PKP4: variants seen among roughly 807,000 people sequenced by gnomAD.
The protein encoded by PKP4 is plakophilin-4.
In PKP4, 90 loss-of-function variants were observed where a neutral mutation model predicts 145.1. The observed-to-expected ratio is 0.62, with a 90% CI of 0.52 to 0.74. PKP4 has a LOEUF of 0.74. PKP4 is among the 30% of genes least tolerant of loss of function. The pLI, the probability that PKP4 is intolerant of heterozygous loss-of-function variation, is 0.00. For synonymous variants in PKP4, 563 were observed against 577.2 expected (o/e 0.98, Z 0.35); for missense variants, 1,340 against 1,482.7 (o/e 0.90, Z 1.58).
At chr2:158,561,793 C>CTTTTTT (rs758042959) in intron 2 of PKP4, among the ~76,000 whole-genome samples, 16,147 of 145,012 alleles carry the variant, frequency 0.11, 1,125 homozygotes, top group Non-Finnish European at 0.15. Flanking sequence ...TCAAGTCAGT[C>CTTTTTT]TTTTTTTTTT....
At chr2:158,646,867 G>A (rs1185792188) in intron 11 of PKP4, among the ~76,000 whole-genome samples, 1 of 152,144 alleles carries the variant, frequency 6.6e-6, no homozygotes, top group Non-Finnish European at 1.5e-5. Context: ...GTGGGGTTAA[G>A]TCTGGACAAC....
At chr2:158,533,590 T>G (rs2043774190) in intron 2 of PKP4, 1 of 518,596 alleles carries the variant, frequency 1.9e-6, no homozygotes, top group Non-Finnish European at 3.8e-6. Flanking sequence ...TTGCAGAGTG[T>G]GTGCATGCAC....
chr2:158,559,992 G>A (rs962751380), intron 2 of PKP4, among the ~76,000 whole-genome samples: 3 of 151,752 alleles, frequency 2.0e-5, no homozygotes, highest in South Asian at 2.1e-4. Context: ...TCAGCGTCCC[G>A]AGTAGCTGGG....
intron 2 of PKP4, 109 bp downstream of exon 2, chr2:158,533,425 T>C: frequency 7.7e-7 from 1 of 1,306,468 alleles, no homozygotes; most frequent in Non-Finnish European, 1.1e-6. Context: ...CCTTCACGTT[T>C]TCTAATTATA....
intron 2 of PKP4, among the ~76,000 whole-genome samples, chr2:158,567,395 G>A (rs567922077): frequency 6.6e-5 from 10 of 152,172 alleles, no homozygotes; most frequent in Non-Finnish European, 1.5e-4. Flanking sequence ...GATATTTGGG[G>A]GCCAGACTAT....
At chr2:158,645,019 A>C (rs2054694213) in intron 11 of PKP4, among the ~76,000 whole-genome samples, 1 of 152,228 alleles carries the variant, frequency 6.6e-6, no homozygotes, top group Non-Finnish European at 1.5e-5. Context: ...TGAATAAACT[A>C]TCCTGCATCC....
chr2:158,680,342 T>C, intron 21 of PKP4, 87 bp from the exon 22 acceptor site: 1 of 975,504 alleles, frequency 1.0e-6, no homozygotes, highest in Non-Finnish European at 1.5e-6. Flanking sequence ...TTTAAAAATA[T>C]GAAGCAGGAA....
intron 2 of PKP4, among the ~76,000 whole-genome samples, chr2:158,571,701 A>G (rs1422834333): frequency 1.3e-5 from 2 of 152,186 alleles, no homozygotes; most frequent in Non-Finnish European, 2.9e-5. Context: ...TCCACAGGGC[A>G]CAGTTGGAAA....
chr2:158,464,784 CAG>C (rs990788320), intron 1 of PKP4, among the ~76,000 whole-genome samples: 7 of 152,154 alleles, frequency 4.6e-5, no homozygotes, highest in Non-Finnish European at 8.8e-5. Context: ...GAGTGGGAAA[CAG>C]GGACTGTTTG....
chr2:158,595,351 C>A (rs963989042), intron 3 of PKP4, among the ~76,000 whole-genome samples: 1 of 152,190 alleles, frequency 6.6e-6, no homozygotes, highest in Admixed American at 6.5e-5. Context: ...CACGGACATT[C>A]TTCTTGAGGG....
chr2:158,550,195 AT>A (rs745333520), intron 2 of PKP4, among the ~76,000 whole-genome samples: 44 of 111,030 alleles, frequency 4.0e-4, no homozygotes, highest in Admixed American at 1.8e-4. Context: ...ACAGAAGTCT[AT>A]TTGTAATGTG....
intron 2 of PKP4, among the ~76,000 whole-genome samples, chr2:158,554,714 T>C (rs62182715): frequency 0.2 from 30,901 of 152,152 alleles, 4,035 homozygotes; most frequent in Middle Eastern, 0.36. Flanking sequence ...CGTGAGCCAC[T>C]GCGCCCTGCC....
At chr2:158,517,707 G>C (rs1295204255) in intron 1 of PKP4, among the ~76,000 whole-genome samples, 1 of 151,892 alleles carries the variant, frequency 6.6e-6, no homozygotes, top group Non-Finnish European at 1.5e-5. Flanking sequence ...GTTGAGTCTG[G>C]GGATTTGAGA....
chr2:158,637,665 A>G (rs2053922290), intron 9 of PKP4, among the ~76,000 whole-genome samples: 1 of 152,148 alleles, frequency 6.6e-6, no homozygotes, highest in African/African-American at 2.4e-5. Flanking sequence ...CCTCTCAAGG[A>G]TTATATTCTT....
intron 1 of PKP4, among the ~76,000 whole-genome samples, 188 bp from the exon 2 acceptor site, chr2:158,532,992 T>G (rs908244744): frequency 2.6e-5 from 4 of 152,216 alleles, no homozygotes; most frequent in Non-Finnish European, 5.9e-5. Flanking sequence ...GTTTATTATT[T>G]AGTTTCTTGA....
chr2:158,606,246 G>A (rs1215560892), intron 4 of PKP4, among the ~76,000 whole-genome samples: 1 of 152,074 alleles, frequency 6.6e-6, no homozygotes, highest in Non-Finnish European at 1.5e-5. Flanking sequence ...CGGTTCTACA[G>A]GAGAATGGTG....
chr2:158,662,515 T>G, intron 13 of PKP4: 1 of 160,854 alleles, frequency 6.2e-6, no homozygotes, highest in Non-Finnish European at 1.4e-5. Context: ...GACTTGGGGA[T>G]ATAGTTGTCC....
chr2:158,664,612 G>A (rs748156149), intron 15 of PKP4, among the ~76,000 whole-genome samples: 7 of 152,138 alleles, frequency 4.6e-5, no homozygotes, highest in African/African-American at 7.2e-5. Context: ...GGTTTGTTTC[G>A]TGCACGTGGC....
At chr2:158,614,982 T>C (rs2051454695) in intron 4 of PKP4, among the ~76,000 whole-genome samples, 1 of 151,712 alleles carries the variant, frequency 6.6e-6, no homozygotes, top group Non-Finnish European at 1.5e-5. Flanking sequence ...AAAGTTAGTC[T>C]GCATGTGGCT....
Sources: allele counts gnomAD v4.1 joint callset (sites outside exome capture counted in the v4.1 genomes callset), GRCh38; gene constraint gnomAD v4.1.1; transcripts MANE v1.5; gene names NCBI Gene and HGNC (gene_info 2026-07-23, HGNC 2026-07-21).